Variants in MCF2L2 observed in about 807,000 individuals in gnomAD.
The protein encoded by MCF2L2 is MCF.2 cell line derived transforming sequence-like 2, also known as probable guanine nucleotide exchange factor MCF2L2.
Under a neutral mutation model 150.2 loss-of-function variants are expected in MCF2L2, and 102 were observed. That is an observed-to-expected ratio of 0.68 (90% CI 0.58 to 0.80). MCF2L2 has a LOEUF of 0.80. Ranked by LOEUF, MCF2L2 falls within the 30% of genes least tolerant of loss-of-function variation. The probability of loss-of-function intolerance (pLI) is 0.00; values close to 1 mark genes in which losing one functional copy is unlikely to be tolerated. For missense variants in MCF2L2, 1,256 were observed against 1,372.8 expected (o/e 0.91, Z 1.34); for synonymous variants, 465 against 491.3 (o/e 0.95, Z 0.71).
chr3:183,225,681 A>C (rs1427212112), intron 18 of MCF2L2: 1 of 152,244 alleles, frequency 6.6e-6, no homozygotes, highest in African/African-American at 2.4e-5. Context: ...TCATCTGTTA[A>C]GTGGGCCCAT....
At chr3:183,334,659 G>A (rs149364370) in intron 5 of MCF2L2, among the ~76,000 whole-genome samples, 119 of 151,996 alleles carry the variant, frequency 7.8e-4, no homozygotes, top group Non-Finnish European at 1.5e-3. Flanking sequence ...CGGATGTAAT[G>A]GCAGGCACCT....
chr3:183,347,275 G>A (rs11714369), intron 3 of MCF2L2, among the ~76,000 whole-genome samples: 3,470 of 152,224 alleles, frequency 0.023, 50 homozygotes, highest in Non-Finnish European at 0.038. Context: ...TCTGATCTTT[G>A]ATGAACCTGA....
intron 27 of MCF2L2, chr3:183,192,694 T>A (rs1165959155): frequency 7.0e-6 from 2 of 284,804 alleles, no homozygotes; most frequent in East Asian, 1.3e-4. Context: ...ATTTTTCCAT[T>A]TGATATTTGG....
chr3:183,407,078 G>C (rs60347057), intron 1 of MCF2L2, among the ~76,000 whole-genome samples: 13,738 of 152,178 alleles, frequency 0.09, 1,474 homozygotes, highest in African/African-American at 0.24. Context: ...GCACACAGAT[G>C]TCTAATTGTT....
intron 3 of MCF2L2, among the ~76,000 whole-genome samples, chr3:183,360,341 G>A (rs1712058165): frequency 6.6e-6 from 1 of 152,180 alleles, no homozygotes; most frequent in Non-Finnish European, 1.5e-5. Flanking sequence ...TCTGAGGCAG[G>A]AGGGTCACTT....
chr3:183,282,944 C>T (rs2108469377), intron 14 of MCF2L2, among the ~76,000 whole-genome samples: 1 of 152,318 alleles, frequency 6.6e-6, no homozygotes, highest in South Asian at 2.1e-4. Flanking sequence ...TCTTAACAAT[C>T]TATGAGACCC....
At chr3:183,202,666 A>G (rs1034051134) in intron 25 of MCF2L2, among the ~76,000 whole-genome samples, 1 of 152,250 alleles carries the variant, frequency 6.6e-6, no homozygotes, top group Admixed American at 6.5e-5. Context: ...TTAGATCACT[A>G]AGCTAACTGA....
chr3:183,230,947 T>C lies in MCF2L2; in HGVS notation c.1929+4A>G. 6.2e-7 allele frequency: 1 copy of C among 1,609,904 alleles called. No homozygotes were observed. Among genetic ancestry groups the C allele is most frequent in the Non-Finnish European group, 8.5e-7 (1 of 1,176,252 alleles). On this transcript the variant is annotated splice_donor_region_variant and intron_variant, in intron 16 of 29. Transcript: ENST00000328913. ...TTGATACCCCACTCCCCAAATCTAC[T>C]TACATCAATTATGCTTTTAATCTCT...
At chr3:183,325,426 G>T (rs1271124159) in intron 5 of MCF2L2, among the ~76,000 whole-genome samples, 1 of 152,078 alleles carries the variant, frequency 6.6e-6, no homozygotes, top group Non-Finnish European at 1.5e-5. Flanking sequence ...TTCTGAAAAT[G>T]GTTTGGGGCT....
chr3:183,216,930 A>G (rs1358879714), intron 21 of MCF2L2, among the ~76,000 whole-genome samples: 2 of 151,558 alleles, frequency 1.3e-5, no homozygotes, highest in Non-Finnish European at 2.9e-5. Flanking sequence ...TAAAGCATGG[A>G]AAAACCTAGC....
At chr3:183,338,305 A>G (rs1478245948) in intron 5 of MCF2L2, among the ~76,000 whole-genome samples, 10 of 151,930 alleles carry the variant, frequency 6.6e-5, no homozygotes, top group Admixed American at 2.0e-4. Flanking sequence ...AAATTAGCCA[A>G]GCATGGTGGC....
chr3:183,226,863 A>G (rs1723363510), intron 18 of MCF2L2: 1 of 152,262 alleles, frequency 6.6e-6, no homozygotes, highest in Non-Finnish European at 1.5e-5. Flanking sequence ...TTAATGAATC[A>G]GAATGAGTAT....
intron 1 of MCF2L2, among the ~76,000 whole-genome samples, chr3:183,413,170 T>C (rs1193004065): frequency 1.3e-5 from 2 of 152,190 alleles, no homozygotes; most frequent in African/African-American, 4.8e-5. Context: ...CTTTGAACAA[T>C]GTAGGAGCTG....
At chr3:183,362,847 G>A (rs1291334973) in intron 3 of MCF2L2, among the ~76,000 whole-genome samples, 1 of 151,948 alleles carries the variant, frequency 6.6e-6, no homozygotes, top group Non-Finnish European at 1.5e-5. Context: ...AATAAAAAAT[G>A]TTTACTTTCA....
At chr3:183,323,794 CAA>C (rs77727862) in intron 5 of MCF2L2, among the ~76,000 whole-genome samples, 36 of 127,546 alleles carry the variant, frequency 2.8e-4, no homozygotes, top group Admixed American at 6.6e-4. Context: ...AAGACCACAT[CAA>C]AAAAAAAAAA....
At chr3:183,326,279 G>A (rs562169560) in intron 5 of MCF2L2, among the ~76,000 whole-genome samples, 1 of 152,094 alleles carries the variant, frequency 6.6e-6, no homozygotes, top group African/African-American at 2.4e-5. Flanking sequence ...ATCACCTGAG[G>A]TCAGGAGTTC....
At chr3:183,198,482 G>A (rs183801637) in intron 25 of MCF2L2, among the ~76,000 whole-genome samples, 136 of 152,278 alleles carry the variant, frequency 8.9e-4, no homozygotes, top group African/African-American at 1.8e-3. Flanking sequence ...AACCTTTGGC[G>A]GTGATAGGCA....
At chr3:183,225,449 A>G (rs1723309026) in intron 18 of MCF2L2, 1 of 152,296 alleles carries the variant, frequency 6.6e-6, no homozygotes, top group Non-Finnish European at 1.5e-5. Flanking sequence ...ACTAACCAGC[A>G]ACATACAAAA....
intron 10 of MCF2L2, among the ~76,000 whole-genome samples, chr3:183,302,559 G>A (rs1041319573): frequency 1.3e-5 from 2 of 152,128 alleles, no homozygotes; most frequent in African/African-American, 2.4e-5. Context: ...GGAGGATCTC[G>A]ATCATGTTTT....
Sources: gnomAD v4.1 joint callset for allele counts (sites outside exome capture counted in the v4.1 genomes callset) on GRCh38, gnomAD v4.1.1 for gene constraint, MANE v1.5 for transcripts, NCBI Gene and HGNC (gene_info 2026-07-23, HGNC 2026-07-21) for gene names.